The following SGCG variants were observed in gnomAD, a reference collection of about 807,000 sequenced individuals.
SGCG encodes the protein gamma-sarcoglycan.
In SGCG, 26 loss-of-function variants were observed where a neutral mutation model predicts 29.3. The observed-to-expected ratio is 0.89, with a 90% CI of 0.65 to 1.23. The LOEUF (loss-of-function observed/expected upper bound fraction) is 1.23. Ranked by LOEUF, SGCG falls within the 50% of genes most tolerant of loss-of-function variation. The probability of loss-of-function intolerance (pLI) is 0.00; values close to 1 mark genes in which losing one functional copy is unlikely to be tolerated. For missense variants in SGCG, 353 were observed against 356.0 expected (o/e 0.99, Z 0.07); for synonymous variants, 145 against 129.7 (o/e 1.12, Z -0.80).
chr13:23,244,693 G>C (rs1879632237), intron 3 of SGCG: 2 of 152,262 alleles, frequency 1.3e-5, no homozygotes, highest in African/African-American at 4.8e-5. Context: ...GTGACCATTT[G>C]GGGCAGCCTT....
At chr13:23,186,976 G>A (rs1384399904) in intron 1 of SGCG, among the ~76,000 whole-genome samples, 1 of 152,164 alleles carries the variant, frequency 6.6e-6, no homozygotes, top group African/African-American at 2.4e-5. Context: ...CCACCGAGTG[G>A]CTGCTTGGTC....
chr13:23,207,329 A>G (rs1371615280), intron 2 of SGCG, among the ~76,000 whole-genome samples: 1 of 152,236 alleles, frequency 6.6e-6, no homozygotes, highest in Non-Finnish European at 1.5e-5. Context: ...AAAATGGATT[A>G]AAGATTTAAA....
chr13:23,270,463 C>T (rs965568078), intron 4 of SGCG, among the ~76,000 whole-genome samples: 3 of 151,972 alleles, frequency 2.0e-5, no homozygotes, highest in Non-Finnish European at 4.4e-5. Context: ...AGTTTGAGGG[C>T]CATTTTTGTA....
At chr13:23,177,842 G>A (rs926077607), upstream of SGCG, among the ~76,000 whole-genome samples, 14 of 151,932 alleles carry the variant, frequency 9.2e-5, no homozygotes, top group Non-Finnish European at 1.9e-4. Context: ...GCCTCCCAAA[G>A]TGCTAGGATT....
chr13:23,315,273 A>G (rs1404275461), intron 6 of SGCG, among the ~76,000 whole-genome samples: 4 of 152,228 alleles, frequency 2.6e-5, no homozygotes, highest in African/African-American at 9.6e-5. Flanking sequence ...TGAACTGCCT[A>G]TCGTAAACTG....
chr13:23,295,469 A>G lies in SGCG; in HGVS notation c.560A>G (p.Asp187Gly), dbSNP rs2137644813. 1 of 1,613,810 alleles carries G rather than the reference A, an allele frequency of 6.2e-7. No individual in the cohort carries two copies. Among genetic ancestry groups the G allele is most frequent in the Non-Finnish European group, 8.5e-7 (1 of 1,179,748 alleles). ...HSVETPLVRADPFQDLRLESP... is the reference protein window; with the variant it reads ...HSVETPLVRAGPFQDLRLESP... ...GTGGAGACACCCCTTGTCAGAGCCG[A>G]CCCGTTTCAAGACCTTAGGTAAGAA... The change falls in exon 6 of 8, where the codon GAC (aspartate) becomes GGC (glycine). Residue 187 changes from aspartate (D) to glycine (G), a missense_variant. By Grantham distance (94) the Asp-to-Gly change is moderately conservative (BLOSUM62 -1). Transcript: ENST00000218867.
the SGCG span, among the ~76,000 whole-genome samples, chr13:23,160,796 C>G: frequency 1.3e-5 from 2 of 152,184 alleles, no homozygotes; most frequent in Non-Finnish European, 1.5e-5. Context: ...CCATCACCAC[C>G]CGTGCCCTCT....
At position 23,272,824 on chromosome 13, in the gene SGCG, G is replaced by T. The variant is rs541093174; in HGVS notation, c.386-6535G>T. ...GTCTGATCAAACTTTCTCATTTAAT[G>T]AGATCAATTTTAGCAATCACTATTT... is the stretch of plus-strand genomic sequence containing the variant. On this transcript the variant is annotated intron_variant, in intron 4 of 7. Coordinates refer to ENST00000218867, the MANE Select transcript of SGCG (RefSeq NM_000231.3). Among the ~76,000 whole-genome samples, 146 of 152,244 alleles carry T rather than the reference G, an allele frequency of 9.6e-4. 3 individuals carry two copies. In the South Asian group the frequency reaches 0.027, roughly 28 times the overall value.
chr13:23,271,319 T>C lies in SGCG; in HGVS notation c.386-8040T>C, dbSNP rs913524651. On this transcript the variant is annotated intron_variant, in intron 4 of 7. Coordinates refer to ENST00000218867, the MANE Select transcript of SGCG (RefSeq NM_000231.3). ...TTATTACTTTATCCCACTAGTCCAG[T>C]GGTGTCCAGTCTTTTGCCTTCCCTG... 2.6e-5 allele frequency among the ~76,000 whole-genome samples: 4 copies of C among 152,196 alleles called. No individual in the cohort carries two copies. The East Asian group carries it at 7.7e-4, about 29-fold the overall frequency.
At chr13:23,283,917 A>T (rs980908839) in intron 5 of SGCG, among the ~76,000 whole-genome samples, 1 of 152,196 alleles carries the variant, frequency 6.6e-6, no homozygotes, top group African/African-American at 2.4e-5. Context: ...TTCTTTAAGA[A>T]TGTTGAATGT....
intron 1 of SGCG, among the ~76,000 whole-genome samples, chr13:23,194,286 T>C (rs1877398231): frequency 6.6e-6 from 1 of 152,220 alleles, no homozygotes; most frequent in Admixed American, 6.5e-5. Flanking sequence ...TCTTACTCCA[T>C]GGTTTACCAT....
chr13:23,210,685 C>T (rs1211163853), intron 2 of SGCG, among the ~76,000 whole-genome samples: 2 of 152,024 alleles, frequency 1.3e-5, no homozygotes, highest in African/African-American at 2.4e-5. Context: ...AGCAAGACCC[C>T]GTCTCAAAAA....
intron 4 of SGCG, among the ~76,000 whole-genome samples, chr13:23,269,865 G>GT (rs759448810): frequency 0.089 from 8,966 of 100,912 alleles, 395 homozygotes; most frequent in Non-Finnish European, 0.13. Flanking sequence ...GCTTTTTTTT[G>GT]TTTTTTTTGT....
At chr13:23,188,401 C>T (rs1396759626) in intron 1 of SGCG, among the ~76,000 whole-genome samples, 1 of 141,730 alleles carries the variant, frequency 7.1e-6, no homozygotes, top group Non-Finnish European at 1.5e-5. Context: ...TCTCGGCTCA[C>T]TGCAATCTCC....
intron 4 of SGCG, among the ~76,000 whole-genome samples, chr13:23,258,623 G>A (rs978025365): frequency 6.6e-6 from 1 of 151,230 alleles, no homozygotes; most frequent in African/African-American, 2.4e-5. Context: ...CCTGTCTTTT[G>A]CCAGTTTTCA....
the SGCG span, among the ~76,000 whole-genome samples, chr13:23,163,923 T>A: frequency 6.6e-6 from 1 of 152,180 alleles, no homozygotes. Context: ...TGCATGAAAT[T>A]CCATGGATTG....
At chr13:23,278,914 T>A (rs1396136199) in intron 4 of SGCG, among the ~76,000 whole-genome samples, 1 of 152,142 alleles carries the variant, frequency 6.6e-6, no homozygotes, top group Non-Finnish European at 1.5e-5. Flanking sequence ...CAGAGAAAAG[T>A]TTCAGGATAT....
chr13:23,229,775 C>T (rs1387641483), intron 2 of SGCG, among the ~76,000 whole-genome samples: 2 of 152,154 alleles, frequency 1.3e-5, no homozygotes, highest in Admixed American at 1.3e-4. Context: ...TGCTCAAAAG[C>T]TCTTTAGTTT....
At chr13:23,282,039 T>A (rs1316179635) in intron 5 of SGCG, among the ~76,000 whole-genome samples, 1 of 152,236 alleles carries the variant, frequency 6.6e-6, no homozygotes, top group Non-Finnish European at 1.5e-5. Context: ...TAGAGCAAAA[T>A]ATACCCCACC....
Sources: gnomAD v4.1 joint callset for allele counts (sites outside exome capture counted in the v4.1 genomes callset) on GRCh38, gnomAD v4.1.1 for gene constraint, MANE v1.5 for transcripts, NCBI Gene and HGNC (gene_info 2026-07-23, HGNC 2026-07-21) for gene names.